Variants in NKAIN2 observed in about 807,000 individuals in gnomAD.
NKAIN2 encodes sodium/potassium transporting ATPase interacting 2, also known as sodium/potassium-transporting ATPase subunit beta-1-interacting protein 2.
A neutral mutation model predicts 32.6 loss-of-function variants in NKAIN2; 14 were observed. That is an observed-to-expected ratio of 0.43 (90% CI 0.28 to 0.67). The LOEUF (loss-of-function observed/expected upper bound fraction) is 0.67, where lower values mean the gene tolerates loss of function less well. NKAIN2 is among the 30% of genes least tolerant of loss of function. The pLI is 0.17. For missense variants in NKAIN2, 198 were observed against 258.3 expected (o/e 0.77, Z 1.60); for synonymous variants, 80 against 87.2 (o/e 0.92, Z 0.46).
intron 2 of NKAIN2, among the ~76,000 whole-genome samples, chr6:124,336,879 G>A (rs1335444288): frequency 6.6e-6 from 1 of 151,842 alleles, no homozygotes; most frequent in Non-Finnish European, 1.5e-5. Flanking sequence ...CACCATGTTG[G>A]CCAGGATGGT....
chr6:124,508,573 G>T (rs1355359869), intron 3 of NKAIN2, among the ~76,000 whole-genome samples: 1 of 152,110 alleles, frequency 6.6e-6, no homozygotes, highest in East Asian at 1.9e-4. Context: ...TCGATCTCTT[G>T]ACCTCGTGAT....
chr6:124,044,308 G>A (rs993330293), intron 1 of NKAIN2, among the ~76,000 whole-genome samples: 1 of 151,868 alleles, frequency 6.6e-6, no homozygotes, highest in Admixed American at 6.6e-5. Context: ...CTGCAAAGAC[G>A]GGAGTAAAAT....
At chr6:124,673,731 G>T (rs181254421) in intron 4 of NKAIN2, among the ~76,000 whole-genome samples, 2 of 148,576 alleles carry the variant, frequency 1.3e-5, no homozygotes, top group African/African-American at 2.5e-5. Context: ...TTTTAATTGG[G>T]TTTTTTTTTC....
chr6:124,519,164 A>T (rs1779032281), intron 3 of NKAIN2, among the ~76,000 whole-genome samples: 1 of 152,190 alleles, frequency 6.6e-6, no homozygotes, highest in Admixed American at 6.5e-5. Context: ...TTCTTGTTCA[A>T]AATTAGCTCA....
Position 123,964,414 on chromosome 6 carries a change from C to T in NKAIN2, c.54+160160C>T, listed in dbSNP as rs1269923085. On this transcript the variant is annotated intron_variant, in intron 1 of 6. Coordinates refer to ENST00000368417, the MANE Select transcript of NKAIN2 (RefSeq NM_001040214.3). This position sits in a 1 kb window ranked among gnomAD's most constrained non-coding sequence, Gnocchi z 4.0. ...TTGCTTTATAAGGCTGTATAAATGG[C>T]CTCTGATGGCTTCAGTGTAAATCCT... Among the ~76,000 whole-genome samples the T allele has an allele frequency of 6.6e-6, 1 of 152,100 alleles. No individual in the cohort carries two copies. The highest frequency in any genetic ancestry group is 1.5e-5 in the Non-Finnish European group (1 of 68,024).
At chr6:123,868,411 T>C (rs1027661466) in intron 1 of NKAIN2, among the ~76,000 whole-genome samples, 2 of 152,190 alleles carry the variant, frequency 1.3e-5, no homozygotes, top group Non-Finnish European at 2.9e-5. Flanking sequence ...TAGTTTGCCA[T>C]AAGAAGAGTT....
chr6:124,122,428 T>G (rs952095326), intron 1 of NKAIN2, among the ~76,000 whole-genome samples: 4 of 152,146 alleles, frequency 2.6e-5, no homozygotes, highest in African/African-American at 9.7e-5. Flanking sequence ...TCCATGTTAT[T>G]AGACTGACTT....
intron 1 of NKAIN2, among the ~76,000 whole-genome samples, chr6:124,089,630 A>G (rs1784337207): frequency 6.6e-6 from 1 of 151,948 alleles, no homozygotes; most frequent in Non-Finnish European, 1.5e-5. Flanking sequence ...ATTGCAGGCA[A>G]ACTCTGCAAA....
intron 1 of NKAIN2, among the ~76,000 whole-genome samples, chr6:123,862,334 T>C (rs886950082): frequency 6.6e-6 from 1 of 152,116 alleles, no homozygotes; most frequent in African/African-American, 2.4e-5. Flanking sequence ...GTTTTTTAGT[T>C]TTTGACTCTA....
intron 2 of NKAIN2, among the ~76,000 whole-genome samples, chr6:124,327,325 T>A (rs72965807): frequency 0.051 from 7,820 of 152,192 alleles, 368 homozygotes; most frequent in East Asian, 0.23. Flanking sequence ...ATTTTTTCTT[T>A]GTGTATAGGA....
At chr6:124,005,333 C>T (rs1344524821) in intron 1 of NKAIN2, among the ~76,000 whole-genome samples, 1 of 152,064 alleles carries the variant, frequency 6.6e-6, no homozygotes, top group Non-Finnish European at 1.5e-5. Context: ...AATATTGTTC[C>T]TAAAAATGTT....
At chr6:124,161,371 C>G (rs9942511) in intron 1 of NKAIN2, among the ~76,000 whole-genome samples, 8,442 of 152,154 alleles carry the variant, frequency 0.055, 439 homozygotes, top group African/African-American at 0.12. Context: ...TCAAACACCT[C>G]ACACTAGGCC....
chr6:124,536,374 A>G (rs1256564222), intron 3 of NKAIN2, among the ~76,000 whole-genome samples: 15 of 152,150 alleles, frequency 9.9e-5, no homozygotes, highest in East Asian at 9.7e-4. Context: ...CAGAACCTCT[A>G]TCTGGTCTCA....
intron 1 of NKAIN2, among the ~76,000 whole-genome samples, chr6:123,862,679 C>T (rs1437255593): frequency 6.6e-6 from 1 of 152,154 alleles, no homozygotes; most frequent in Admixed American, 6.5e-5. Flanking sequence ...TTTGCTCATA[C>T]TGTTCTTTCT....
intron 1 of NKAIN2, among the ~76,000 whole-genome samples, chr6:124,012,939 C>T (rs910551736): frequency 2.0e-5 from 3 of 152,118 alleles, no homozygotes; most frequent in Non-Finnish European, 4.4e-5. Flanking sequence ...TTTCATTTTA[C>T]ATTTCCACCA....
At chr6:124,478,924 T>C (rs1177764531) in intron 3 of NKAIN2, among the ~76,000 whole-genome samples, 1 of 152,144 alleles carries the variant, frequency 6.6e-6, no homozygotes, top group Non-Finnish European at 1.5e-5. Flanking sequence ...ACTAAGGATA[T>C]ATCAACAGGG....
intron 1 of NKAIN2, among the ~76,000 whole-genome samples, chr6:124,060,680 CT>C (rs1782881970): frequency 6.6e-6 from 1 of 152,120 alleles, no homozygotes; most frequent in African/African-American, 2.4e-5. Context: ...GAAAGGATAA[CT>C]TTTTCCTTGT....
chr6:123,828,868 C>T (rs527249989), intron 1 of NKAIN2: 1 of 152,168 alleles, frequency 6.6e-6, no homozygotes, highest in Non-Finnish European at 1.5e-5. Context: ...TTCTGGGAAG[C>T]TCTCCCTGAC....
At chr6:124,778,220 T>C (rs1305520428) in intron 4 of NKAIN2, among the ~76,000 whole-genome samples, 1 of 148,234 alleles carries the variant, frequency 6.7e-6, no homozygotes, top group Non-Finnish European at 1.5e-5. Flanking sequence ...TAGTCGGAAA[T>C]ATAATGGAAT....
Sources: allele counts gnomAD v4.1 joint callset (sites outside exome capture counted in the v4.1 genomes callset), GRCh38; gene constraint gnomAD v4.1.1; non-coding constraint Gnocchi (gnomAD v3.1); transcripts MANE v1.5; gene names NCBI Gene and HGNC (gene_info 2026-07-23, HGNC 2026-07-21).